EIF4E3: variants seen among roughly 807,000 people sequenced by gnomAD.
EIF4E3 encodes the protein eukaryotic translation initiation factor 4E family member 3, also known as eukaryotic translation initiation factor 4E type 3.
A neutral mutation model predicts 31.7 loss-of-function variants in EIF4E3; 26 were observed. The observed-to-expected ratio is 0.82, with a 90% CI of 0.60 to 1.14. The LOEUF is 1.14. Among genes scored for constraint, EIF4E3 ranks in the 50% most tolerant of loss-of-function variants. The probability of loss-of-function intolerance (pLI) is 0.00; values close to 1 mark genes in which losing one functional copy is unlikely to be tolerated. For synonymous variants in EIF4E3, 128 were observed against 107.7 expected (o/e 1.19, Z -1.17); for missense variants, 304 against 270.9 (o/e 1.12, Z -0.86).
chr3:71,660,923 G>C, the EIF4E3 span, among the ~76,000 whole-genome samples: 2 of 151,984 alleles, frequency 1.3e-5, no homozygotes, highest in African/African-American at 4.8e-5. Flanking sequence ...GGGCTCTGAA[G>C]CTTCCACCCC....
At chr3:71,669,066 T>TA in the EIF4E3 span, among the ~76,000 whole-genome samples, 2 of 151,874 alleles carry the variant, frequency 1.3e-5, no homozygotes, top group African/African-American at 4.8e-5. Context: ...TATGCAGCCA[T>TA]AAAAAAAGCA....
At chr3:71,736,906 T>C (rs1021054868) in intron 1 of EIF4E3, among the ~76,000 whole-genome samples, 3 of 152,148 alleles carry the variant, frequency 2.0e-5, no homozygotes, top group African/African-American at 4.8e-5. Flanking sequence ...TAAATGAGGA[T>C]AGGATAAATG....
chr3:71,752,528 G>A (rs1015441959), intron 1 of EIF4E3, among the ~76,000 whole-genome samples: 1 of 152,026 alleles, frequency 6.6e-6, no homozygotes, highest in Non-Finnish European at 1.5e-5. Context: ...GTAATCAGTA[G>A]GCAACAAATA....
At chr3:71,712,684 C>A (rs2049398808) in intron 1 of EIF4E3, among the ~76,000 whole-genome samples, 1 of 150,886 alleles carries the variant, frequency 6.6e-6, no homozygotes, top group African/African-American at 2.4e-5. Context: ...ACTTTGCATT[C>A]TTTTTTCATT....
chr3:71,693,742 A>C, intron 5 of EIF4E3, 133 bp downstream of exon 5: 1 of 822,966 alleles, frequency 1.2e-6, no homozygotes, highest in Non-Finnish European at 1.8e-6. Context: ...AAAATTGAGT[A>C]ACTTTGTAGT....
intron 6 of EIF4E3, among the ~76,000 whole-genome samples, chr3:71,686,543 A>AGAGTGTGTGTGTGT (rs1553659503): frequency 7.0e-6 from 1 of 143,498 alleles, no homozygotes; most frequent in South Asian, 2.2e-4. Flanking sequence ...TTTCACATTG[A>AGAGTGTGTGTGTGT]GTGTGTGTGT....
chr3:71,743,338 G>T (rs1185013888), intron 1 of EIF4E3, among the ~76,000 whole-genome samples: 2 of 152,022 alleles, frequency 1.3e-5, no homozygotes, highest in East Asian at 3.8e-4. Context: ...TCTTTTTAGG[G>T]TAGAAATGAA....
intron 2 of EIF4E3, among the ~76,000 whole-genome samples, chr3:71,706,353 C>T (rs957518649): frequency 2.0e-5 from 3 of 152,158 alleles, no homozygotes; most frequent in Non-Finnish European, 2.9e-5. Context: ...TCTCCCAAAC[C>T]ATCTACTTTG....
intron 2 of EIF4E3, among the ~76,000 whole-genome samples, chr3:71,707,256 ATGAGTAAAC>A (rs1466874503): frequency 3.3e-5 from 5 of 152,216 alleles, no homozygotes; most frequent in Admixed American, 2.0e-4. Context: ...CATCTTACAG[ATGAGTAAAC>A]TGAGATTCAG....
At chr3:71,664,609 A>C in the EIF4E3 span, among the ~76,000 whole-genome samples, 1 of 152,110 alleles carries the variant, frequency 6.6e-6, no homozygotes, top group South Asian at 2.1e-4. Flanking sequence ...TGGACTTAAA[A>C]ACTCATGCCT....
intron 1 of EIF4E3, among the ~76,000 whole-genome samples, chr3:71,750,426 C>T (rs1482745885): frequency 6.6e-6 from 1 of 152,156 alleles, no homozygotes; most frequent in Non-Finnish European, 1.5e-5. Flanking sequence ...TATTCATGAG[C>T]TTCTCTGTTT....
At chr3:71,693,406 C>T (rs970971498) in intron 5 of EIF4E3, among the ~76,000 whole-genome samples, 7 of 152,018 alleles carry the variant, frequency 4.6e-5, no homozygotes, top group Admixed American at 2.0e-4. Context: ...GAGAACAAGA[C>T]GAAGGGGTTA....
intron 1 of EIF4E3, among the ~76,000 whole-genome samples, chr3:71,734,644 C>T (rs2049742325): frequency 6.6e-6 from 1 of 151,930 alleles, no homozygotes; most frequent in African/African-American, 2.4e-5. Context: ...AGTAAGAGGG[C>T]ACAAGCCACC....
At position 71,675,420 on chromosome 3, in the gene EIF4E3, T is replaced by C. The variant is rs2048868068; in HGVS notation, c.*9262A>G. 6.6e-6 allele frequency: 1 copy of C among 152,234 alleles called. No individual in the cohort carries two copies. The highest frequency in any genetic ancestry group is 6.5e-5 in the Admixed American group (1 of 15,292). 9.4% of individuals were successfully genotyped at this position (152,234 alleles called of 1,614,324 possible). ...GTGAGACAGAAAAGCAAGCTTCAGATATAAATTTTTTAATTCCCAGTTAAA... is the reference window on the plus strand; with the variant it reads ...GTGAGACAGAAAAGCAAGCTTCAGACATAAATTTTTTAATTCCCAGTTAAA... On this transcript the variant is annotated 3_prime_UTR_variant, in exon 7 of 7. Transcript: ENST00000425534.
intron 1 of EIF4E3, among the ~76,000 whole-genome samples, chr3:71,721,786 C>A (rs1171493243): frequency 6.6e-6 from 1 of 152,064 alleles, no homozygotes; most frequent in African/African-American, 2.4e-5. Flanking sequence ...GTTACCCAGT[C>A]TTGGGTAATT....
chr3:71,688,501 C>CA (rs1343162837), intron 6 of EIF4E3, among the ~76,000 whole-genome samples: 2 of 152,166 alleles, frequency 1.3e-5, no homozygotes. Flanking sequence ...TGCTCAAGGT[C>CA]ACACTGGTGA....
intron 4 of EIF4E3, among the ~76,000 whole-genome samples, chr3:71,695,050 G>A (rs192756260): frequency 6.6e-6 from 1 of 152,308 alleles, no homozygotes; most frequent in African/African-American, 2.4e-5. Context: ...CCAGGGAACT[G>A]AAAAGTGACC....
chr3:71,754,772 C>G, upstream of EIF4E3: 1 of 1,310,742 alleles, frequency 7.6e-7, no homozygotes, highest in Non-Finnish European at 9.7e-7. This position sits in a 1 kb window ranked among gnomAD's most constrained non-coding sequence, Gnocchi z 5.8. Context: ...CGGCCGCCAA[C>G]TGGACGGCGG....
At chr3:71,716,746 T>C (rs908863077) in intron 1 of EIF4E3, among the ~76,000 whole-genome samples, 4 of 152,200 alleles carry the variant, frequency 2.6e-5, no homozygotes, top group African/African-American at 7.2e-5. Flanking sequence ...GTGGCAGATC[T>C]GGGACTTGAA....
Sources: gnomAD v4.1 joint callset for allele counts (sites outside exome capture counted in the v4.1 genomes callset) on GRCh38, gnomAD v4.1.1 for gene constraint, Gnocchi (gnomAD v3.1) non-coding constraint, MANE v1.5 for transcripts, NCBI Gene and HGNC (gene_info 2026-07-23, HGNC 2026-07-21) for gene names.